Variants in MTUS2 observed in about 807,000 individuals in gnomAD.
MTUS2 encodes microtubule associated scaffold protein 2, also known as microtubule-associated tumor suppressor candidate 2.
In MTUS2, 40 loss-of-function variants were observed where a neutral mutation model predicts 114.1. The ratio of observed to expected loss-of-function variants is 0.35; its 90% confidence interval spans 0.27 to 0.46. The LOEUF is 0.46. MTUS2 is among the 20% of genes least tolerant of loss of function. MTUS2 has a pLI of 1.00. For synonymous variants in MTUS2, 688 were observed against 672.0 expected, an observed-to-expected ratio of 1.02 and a Z score of -0.37; for missense variants, 1,679 against 1,705.4, an observed-to-expected ratio of 0.98 and a Z score of 0.27.
intron 7 of MTUS2, among the ~76,000 whole-genome samples, chr13:29,349,103 TC>T (rs1486565251): frequency 6.6e-6 from 1 of 152,152 alleles, no homozygotes; most frequent in Non-Finnish European, 1.5e-5. Context: ...TCTTTTCTTT[TC>T]CCTCTTTTAC....
In MTUS2 at chr13:29,201,286, T is replaced by A. The variant is rs981776514; in HGVS notation, c.2645-80418T>A. Among the ~76,000 whole-genome samples the A allele has an allele frequency of 1.2e-4, 18 of 152,160 alleles. 1 individual carries two copies. The highest frequency in any genetic ancestry group is 6.5e-5 in the Admixed American group (1 of 15,278). On this transcript the variant is annotated intron_variant, in intron 5 of 15. Coordinates refer to ENST00000612955, the MANE Select transcript of MTUS2 (RefSeq NM_001033602.4). ...TAATGCCCTTCTTTGCCTTTTTTGA[T>A]CTTTGTTGGTTTAAAGTCTGTTTTG...
chr13:29,058,091 T>A (rs1490223916), intron 4 of MTUS2, among the ~76,000 whole-genome samples: 1 of 152,198 alleles, frequency 6.6e-6, no homozygotes, highest in Non-Finnish European at 1.5e-5. Flanking sequence ...ATTTATTTTC[T>A]TTAAGAATTT....
chr13:29,422,337 A>G (rs908366252), intron 8 of MTUS2, among the ~76,000 whole-genome samples: 2 of 152,232 alleles, frequency 1.3e-5, no homozygotes, highest in African/African-American at 4.8e-5. Context: ...GGAGATGATA[A>G]TAGTGCTTAT....
intron 6 of MTUS2, among the ~76,000 whole-genome samples, chr13:29,321,663 C>T (rs1900259899): frequency 6.6e-6 from 1 of 152,112 alleles, no homozygotes; most frequent in Non-Finnish European, 1.5e-5. Context: ...GGTTTGGTTT[C>T]TCTCCTTTTT....
chr13:29,252,847 T>C (rs1344775107), intron 5 of MTUS2, among the ~76,000 whole-genome samples: 1 of 152,110 alleles, frequency 6.6e-6, no homozygotes, highest in Non-Finnish European at 1.5e-5. Flanking sequence ...AGACCTGCCT[T>C]TCGCCTTTTG....
At chr13:28,909,894 T>G (rs1418702656) in intron 2 of MTUS2, among the ~76,000 whole-genome samples, 1 of 152,120 alleles carries the variant, frequency 6.6e-6, no homozygotes, top group African/African-American at 2.4e-5. Context: ...TTCTTTTTAT[T>G]TTTTAATTTT....
intron 9 of MTUS2, among the ~76,000 whole-genome samples, chr13:29,448,238 C>A: frequency 6.6e-6 from 1 of 152,242 alleles, no homozygotes; most frequent in South Asian, 2.1e-4. Flanking sequence ...CTGGCTGGCA[C>A]CCCTAGCTAA....
At chr13:29,002,435 C>T (rs4517629) in intron 2 of MTUS2, among the ~76,000 whole-genome samples, 2,697 of 152,204 alleles carry the variant, frequency 0.018, 83 homozygotes, top group African/African-American at 0.061. Flanking sequence ...ATACTATATG[C>T]TTTTCAATTT....
At chr13:29,075,130 C>T (rs1158420544) in intron 4 of MTUS2, among the ~76,000 whole-genome samples, 1 of 152,200 alleles carries the variant, frequency 6.6e-6, no homozygotes, top group East Asian at 1.9e-4. Flanking sequence ...TGTCTGGCTT[C>T]TTTCACTTGC....
At chr13:29,031,848 C>T (rs1886845476) in intron 3 of MTUS2, among the ~76,000 whole-genome samples, 1 of 151,954 alleles carries the variant, frequency 6.6e-6, no homozygotes, top group Admixed American at 6.6e-5. Flanking sequence ...TTCACCTGTA[C>T]CCTCTGTCTC....
intron 7 of MTUS2, among the ~76,000 whole-genome samples, chr13:29,346,755 A>C (rs374641107): frequency 7.0e-6 from 1 of 142,752 alleles, no homozygotes; most frequent in Admixed American, 6.7e-5. Context: ...TCTTTCCCCA[A>C]TTCCACTGGC....
At chr13:29,220,583 C>T (rs1001375801) in intron 5 of MTUS2, among the ~76,000 whole-genome samples, 1 of 152,108 alleles carries the variant, frequency 6.6e-6, no homozygotes, top group African/African-American at 2.4e-5. Context: ...AGGGAAGAGC[C>T]TGTCAATGGA....
chr13:29,101,008 A>G (rs1207396580), intron 5 of MTUS2, 38 bp downstream of exon 5: 1 of 1,498,376 alleles, frequency 6.7e-7, no homozygotes, highest in African/African-American at 1.4e-5. Flanking sequence ...CCTTCACTGA[A>G]TTAAAACCGG....
chr13:29,101,028 G>A (rs1400952964), intron 5 of MTUS2, 58 bp downstream of exon 5: 4 of 1,433,832 alleles, frequency 2.8e-6, no homozygotes, highest in South Asian at 1.4e-5. Context: ...GCGCGCCTGT[G>A]TAACTGTGTG....
chr13:29,478,523 A>C (rs1189304234), intron 9 of MTUS2, among the ~76,000 whole-genome samples: 1 of 152,216 alleles, frequency 6.6e-6, no homozygotes, highest in Admixed American at 6.5e-5. Context: ...CACTGTAGCA[A>C]TTGTTCAGAA....
intron 5 of MTUS2, among the ~76,000 whole-genome samples, chr13:29,208,144 C>T (rs2139269254): frequency 6.6e-6 from 1 of 152,080 alleles, no homozygotes; most frequent in East Asian, 1.9e-4. Flanking sequence ...TTCTTCCTGC[C>T]TGGTTTAATC....
chr13:29,000,920 A>G (rs1257701612), intron 2 of MTUS2, among the ~76,000 whole-genome samples: 1 of 152,158 alleles, frequency 6.6e-6, no homozygotes, highest in Non-Finnish European at 1.5e-5. Context: ...GGCTGCAGCC[A>G]GAGCTCTGTT....
At chr13:29,195,210 T>A (rs922288259) in intron 5 of MTUS2, among the ~76,000 whole-genome samples, 8 of 150,790 alleles carry the variant, frequency 5.3e-5, no homozygotes, top group South Asian at 4.2e-4. Flanking sequence ...AACCTGCACA[T>A]TGTGCACATG....
intron 4 of MTUS2, among the ~76,000 whole-genome samples, chr13:29,100,534 C>T (rs376842259): frequency 2.8e-4 from 42 of 152,208 alleles, no homozygotes; most frequent in African/African-American, 8.4e-4. Context: ...CCTAAGTAGA[C>T]GGTAAATTTG....
Sources: gnomAD v4.1 joint callset for allele counts (sites outside exome capture counted in the v4.1 genomes callset) on GRCh38, gnomAD v4.1.1 for gene constraint, MANE v1.5 for transcripts, NCBI Gene and HGNC (gene_info 2026-07-23, HGNC 2026-07-21) for gene names.